EFCAB5: variants seen among roughly 807,000 people sequenced by gnomAD.
EFCAB5 encodes the protein EF-hand calcium-binding domain-containing protein 5.
In EFCAB5, 131 loss-of-function variants were observed where a neutral mutation model predicts 167.9. The ratio of observed to expected loss-of-function variants is 0.78; its 90% CI spans 0.68 to 0.90. The LOEUF is 0.90. Ranked by LOEUF, EFCAB5 falls within the 40% of genes least tolerant of loss-of-function variation. The pLI is 0.00. For missense variants in EFCAB5, 1,663 were observed against 1,745.2 expected (o/e 0.95, Z 0.84); for synonymous variants, 574 against 602.8 (o/e 0.95, Z 0.70).
intron 8 of EFCAB5, among the ~76,000 whole-genome samples, chr17:30,037,135 T>C (rs2069649083): frequency 6.6e-6 from 1 of 152,124 alleles, no homozygotes; most frequent in South Asian, 2.1e-4. Flanking sequence ...AAGTGCTAAA[T>C]CCAACATGGC....
chr17:29,945,725 C>T (rs1276536965), intron 3 of EFCAB5, among the ~76,000 whole-genome samples: 2 of 152,022 alleles, frequency 1.3e-5, no homozygotes, highest in African/African-American at 2.4e-5. Flanking sequence ...CACACAGAAA[C>T]ATAAACTGGG....
chr17:30,061,433 T>C (rs2070422792), intron 14 of EFCAB5, among the ~76,000 whole-genome samples: 1 of 152,244 alleles, frequency 6.6e-6, no homozygotes, highest in Admixed American at 6.5e-5. Flanking sequence ...TCCTATTGCT[T>C]CTTTGTCCAA....
rs2151514506 is a variant in EFCAB5 at position 29,942,277 on chromosome 17, TAACTG to T, written c.83_87del (p.Thr28SerfsTer6). 6.3e-7 allele frequency: 1 copy of T among 1,591,842 alleles called. No homozygotes were observed. Among genetic ancestry groups the T allele is most frequent in the Non-Finnish European group, 8.6e-7 (1 of 1,168,774 alleles). On this transcript the variant is annotated frameshift_variant, in exon 2 of 23. Coordinates refer to ENST00000394835, the MANE Select transcript of EFCAB5 (RefSeq NM_198529.4). LOFTEE classifies it high-confidence loss of function. ...GAAGACAAAGAGAGGAAATGGAACT[TAACTG>T]AAGTGAAAGAGCTTCATGAGGTAGA...
At chr17:30,031,444 GT>G (rs2069477165) in intron 7 of EFCAB5, among the ~76,000 whole-genome samples, 1 of 152,216 alleles carries the variant, frequency 6.6e-6, no homozygotes, top group Non-Finnish European at 1.5e-5. Context: ...TAAGAGGACT[GT>G]TTATTTAATG....
rs563106328 is a variant in EFCAB5, at chr17:30,101,857, T to C, written c.4322-5977T>C. Reference sequence around the variant, plus strand: ...GACAATGTTGAAGACAGAGAATTCCTGAAACAATGTCCTCAAGCACGTCAG... The same window carrying C: ...GACAATGTTGAAGACAGAGAATTCCCGAAACAATGTCCTCAAGCACGTCAG... On this transcript the variant is annotated intron_variant, in intron 22 of 22. Coordinates refer to ENST00000394835, the MANE Select transcript of EFCAB5 (RefSeq NM_198529.4). Among the ~76,000 whole-genome samples the C allele has an allele frequency of 3.3e-5, 5 of 152,350 alleles. No homozygotes were observed. In the South Asian group the frequency reaches 6.2e-4, roughly 19 times the overall value.
At chr17:30,100,245 C>A (rs2071362842) in intron 22 of EFCAB5, among the ~76,000 whole-genome samples, 1 of 152,086 alleles carries the variant, frequency 6.6e-6, no homozygotes, top group African/African-American at 2.4e-5. Flanking sequence ...TTCTAGGTTC[C>A]TAGGGTACAG....
chr17:29,960,699 C>T (rs2067704278), intron 3 of EFCAB5, among the ~76,000 whole-genome samples: 1 of 152,068 alleles, frequency 6.6e-6, no homozygotes, highest in African/African-American at 2.4e-5. Flanking sequence ...GAGTTGTTTC[C>T]ACTTTTACTG....
chr17:30,099,007 A>C lies in EFCAB5; in HGVS notation c.4321+6071A>C, dbSNP rs115133988. Among the ~76,000 whole-genome samples, 625 of 152,328 alleles carry C rather than the reference A, an allele frequency of 4.1e-3. 4 individuals carry two copies. Among genetic ancestry groups the C allele is most frequent in the African/African-American group, 0.014 (576 of 41,570 alleles). ...ACTTCATTTTTGCGTGTGTGGCTGA[A>C]TAATATTCTATGATAGACAACATTC... is the stretch of plus-strand genomic sequence containing the variant. On this transcript the variant is annotated intron_variant, in intron 22 of 22. Transcript: ENST00000394835.
chr17:29,977,299 T>C (rs905700393), intron 4 of EFCAB5, among the ~76,000 whole-genome samples: 5 of 152,184 alleles, frequency 3.3e-5, no homozygotes, highest in Admixed American at 2.6e-4. Flanking sequence ...TTAAAATTCA[T>C]AAAACTATGT....
At chr17:29,965,999 T>G (rs2067819776) in intron 3 of EFCAB5, among the ~76,000 whole-genome samples, 1 of 152,184 alleles carries the variant, frequency 6.6e-6, no homozygotes, top group Non-Finnish European at 1.5e-5. Flanking sequence ...GAAATAAATT[T>G]ACTTTTGTAT....
At chr17:30,098,257 G>T (rs955039437) in intron 22 of EFCAB5, among the ~76,000 whole-genome samples, 1 of 150,730 alleles carries the variant, frequency 6.6e-6, no homozygotes, top group Non-Finnish European at 1.5e-5. Context: ...TCTATCAGTG[G>T]CTCATGCCTG....
At chr17:30,101,715 A>G (rs2071385058) in intron 22 of EFCAB5, among the ~76,000 whole-genome samples, 1 of 152,174 alleles carries the variant, frequency 6.6e-6, no homozygotes, top group Admixed American at 6.5e-5. Flanking sequence ...AAGGGGAGCA[A>G]AGAATGGTGT....
chr17:29,974,461 T>C (rs1167334979), intron 4 of EFCAB5, among the ~76,000 whole-genome samples: 1 of 151,830 alleles, frequency 6.6e-6, no homozygotes, highest in Non-Finnish European at 1.5e-5. Context: ...GAGGATCACT[T>C]GAGCCTGGGA....
At chr17:29,996,442 A>C (rs1407440887) in intron 6 of EFCAB5, 82 bp downstream of exon 6, 8 of 1,182,360 alleles carry the variant, frequency 6.8e-6, no homozygotes, top group African/African-American at 1.6e-5. Flanking sequence ...AAGAGTCAAC[A>C]TGAGACAGAT....
chr17:29,947,484 G>T (rs2151527349), intron 3 of EFCAB5, among the ~76,000 whole-genome samples: 1 of 152,272 alleles, frequency 6.6e-6, no homozygotes. Context: ...TACTACTCAG[G>T]TGATGGGTGC....
rs754461014 is a variant in EFCAB5, at chr17:30,091,956, A to G, written c.4023A>G (p.Leu1341=). 1.1e-5 allele frequency: 17 copies of G among 1,613,756 alleles called. No homozygotes were observed. Among genetic ancestry groups the G allele is most frequent in the Non-Finnish European group, 1.4e-5 (17 of 1,179,876 alleles). Residue 1341 remains leucine, a synonymous_variant, in exon 21 of 23, where the codon CTA becomes CTG. Transcript: ENST00000394835. Reference sequence around the variant, plus strand: ...TCGAGCTACAGGAAAGCATCCAACTACTCAATTCCATGGAATTTGTGTCAC... The same window carrying G: ...TCGAGCTACAGGAAAGCATCCAACTGCTCAATTCCATGGAATTTGTGTCAC... ...MLLELQESIQ[L]LNSMEFVSLL...
chr17:30,042,723 A>T (rs2069809108), intron 8 of EFCAB5, among the ~76,000 whole-genome samples: 1 of 152,226 alleles, frequency 6.6e-6, no homozygotes, highest in Non-Finnish European at 1.5e-5. Flanking sequence ...TAAGGAAGGG[A>T]TAATTTCAAA....
At chr17:30,036,874 T>C (rs1241761094) in intron 8 of EFCAB5, among the ~76,000 whole-genome samples, 1 of 152,136 alleles carries the variant, frequency 6.6e-6, no homozygotes, top group African/African-American at 2.4e-5. Flanking sequence ...ATTCTATCAA[T>C]GGGAAATTGT....
intron 14 of EFCAB5, 139 bp downstream of exon 14, chr17:30,059,840 T>G (rs1728268223): frequency 7.1e-6 from 4 of 562,462 alleles, no homozygotes; most frequent in Non-Finnish European, 1.1e-5. Flanking sequence ...AGATATACAT[T>G]TATCTTATTT....
Sources: allele counts gnomAD v4.1 joint callset (sites outside exome capture counted in the v4.1 genomes callset), GRCh38; gene constraint gnomAD v4.1.1; transcripts MANE v1.5; gene names NCBI Gene and HGNC (gene_info 2026-07-23, HGNC 2026-07-21).